The following DAPK1 variants were observed in gnomAD, a reference collection of about 807,000 sequenced individuals.
DAPK1 encodes death-associated protein kinase 1.
DAPK1 carries 56 observed loss-of-function variants against 144.9 expected under a neutral mutation model. That is an observed-to-expected ratio of 0.39 (90% confidence interval 0.31 to 0.48). The LOEUF (loss-of-function observed/expected upper bound fraction) is 0.48, where lower values mean the gene tolerates loss of function less well. Among genes scored for constraint, DAPK1 ranks in the 20% least tolerant of loss-of-function variants. The probability of loss-of-function intolerance (pLI) is 0.95; values close to 1 mark genes in which losing one functional copy is unlikely to be tolerated. For synonymous variants in DAPK1, 690 were observed against 749.0 expected (o/e 0.92, Z 1.29); for missense variants, 1,454 against 1,875.4 (o/e 0.78, Z 4.15).
chr9:87,647,239 G>A (rs1378128632), intron 13 of DAPK1, 66 bp from the exon 14 acceptor site: 9 of 1,252,002 alleles, frequency 7.2e-6, no homozygotes, highest in Non-Finnish European at 1.1e-5. Context: ...CAGTGAGTCT[G>A]AGGAATGCAT....
chr9:87,511,503 G>A (rs112108736), intron 2 of DAPK1, among the ~76,000 whole-genome samples: 4 of 152,176 alleles, frequency 2.6e-5, no homozygotes, highest in Admixed American at 6.5e-5. Flanking sequence ...ACTAAAAGCC[G>A]CTCTGTAGCC....
At chr9:87,647,888 T>G (rs1189149600) in intron 14 of DAPK1, among the ~76,000 whole-genome samples, 1 of 152,266 alleles carries the variant, frequency 6.6e-6, no homozygotes, top group Non-Finnish European at 1.5e-5. Context: ...AGTTACTGAT[T>G]TATCAAGATA....
intron 2 of DAPK1, among the ~76,000 whole-genome samples, chr9:87,580,840 A>G (rs1307150432): frequency 1.3e-5 from 2 of 152,206 alleles, no homozygotes; most frequent in Non-Finnish European, 1.5e-5. Flanking sequence ...CTGAAGTTTT[A>G]AGGAGAAGCA....
At chr9:87,540,521 T>G (rs1826010754) in intron 2 of DAPK1, among the ~76,000 whole-genome samples, 1 of 152,160 alleles carries the variant, frequency 6.6e-6, no homozygotes, top group African/African-American at 2.4e-5. Context: ...GTCTAATTTA[T>G]AAATTAAACT....
intron 7 of DAPK1, 38 bp downstream of exon 7, chr9:87,639,853 T>A (rs1211857753): frequency 1.9e-6 from 3 of 1,606,022 alleles, no homozygotes; most frequent in Admixed American, 1.7e-5. Flanking sequence ...TCTCTTCTCT[T>A]CTATGAGACC....
intron 1 of DAPK1, among the ~76,000 whole-genome samples, 170 bp downstream of exon 1, chr9:87,498,277 C>T (rs930630680): frequency 2.0e-5 from 3 of 152,180 alleles, no homozygotes; most frequent in Non-Finnish European, 4.4e-5. Flanking sequence ...CGGGAGGCTT[C>T]CCCAGCCCCG....
intron 2 of DAPK1, among the ~76,000 whole-genome samples, chr9:87,507,691 A>C (rs1243881106): frequency 6.6e-6 from 1 of 152,120 alleles, no homozygotes; most frequent in East Asian, 1.9e-4. Context: ...GACGAAGAAC[A>C]TAATGTTTGA....
intron 2 of DAPK1, among the ~76,000 whole-genome samples, chr9:87,556,244 T>G (rs1826708550): frequency 6.6e-6 from 1 of 152,218 alleles, no homozygotes; most frequent in South Asian, 2.1e-4. Flanking sequence ...TGTTACCTCA[T>G]TTAATCTTCA....
chr9:87,599,943 A>G (rs564224085), intron 2 of DAPK1, among the ~76,000 whole-genome samples: 2 of 152,334 alleles, frequency 1.3e-5, no homozygotes, highest in South Asian at 4.1e-4. Context: ...AACTCAAGGC[A>G]AACAGCACAT....
intron 2 of DAPK1, among the ~76,000 whole-genome samples, chr9:87,518,048 A>C (rs1825128911): frequency 6.6e-6 from 1 of 151,684 alleles, no homozygotes; most frequent in East Asian, 1.9e-4. Context: ...TCTGTCGCTG[A>C]ACCTGCGTTT....
rs920848933 is a variant in DAPK1, at chr9:87,569,390, A to G, written c.63-35564A>G. Among the ~76,000 whole-genome samples, 10 of 152,310 alleles carry G rather than the reference A, an allele frequency of 6.6e-5. No individual in the cohort carries two copies. In the South Asian group the frequency reaches 2.1e-3, roughly 32 times the overall value. On this transcript the variant is annotated intron_variant, in intron 2 of 25. Transcript: ENST00000408954. ...AGGAACCTGTATTTTTCAAAGCTCT[A>G]CCTCCAGCGAGACTCAGGTGATCAT...
chr9:87,650,209 A>G, intron 16 of DAPK1, 91 bp downstream of exon 16: 1 of 1,331,300 alleles, frequency 7.5e-7, no homozygotes, highest in Non-Finnish European at 1.1e-6. Flanking sequence ...CCCTAAGATA[A>G]CAAACTTGAA....
chr9:87,620,421 A>G (rs1473312980), intron 3 of DAPK1, among the ~76,000 whole-genome samples: 2 of 152,144 alleles, frequency 1.3e-5, no homozygotes, highest in African/African-American at 2.4e-5. Context: ...CCATGTCTCA[A>G]GGTGGCTAAA....
At chr9:87,537,890 G>C (rs1230898691) in intron 2 of DAPK1, among the ~76,000 whole-genome samples, 1 of 152,122 alleles carries the variant, frequency 6.6e-6, no homozygotes, top group Non-Finnish European at 1.5e-5. Flanking sequence ...AGGCAAGCGG[G>C]GGTTTGAGAG....
intron 2 of DAPK1, among the ~76,000 whole-genome samples, chr9:87,529,798 G>A (rs1563977495): frequency 2.0e-5 from 3 of 152,236 alleles, no homozygotes; most frequent in Admixed American, 1.3e-4. Context: ...GCCAGGAGGC[G>A]AGTCCCTGTC....
chr9:87,599,545 A>T (rs990480819), intron 2 of DAPK1, among the ~76,000 whole-genome samples: 44 of 152,350 alleles, frequency 2.9e-4, no homozygotes, highest in African/African-American at 1.0e-3. Flanking sequence ...AAACTCATTA[A>T]AGGAAGAATG....
chr9:87,514,554 G>A (rs910494339), intron 2 of DAPK1, among the ~76,000 whole-genome samples: 7 of 152,184 alleles, frequency 4.6e-5, no homozygotes, highest in Middle Eastern at 3.2e-3. Context: ...ATCTAGGTCT[G>A]TGACTTGTTT....
At chr9:87,608,011 G>A (rs764895374) in intron 3 of DAPK1, among the ~76,000 whole-genome samples, 12 of 152,108 alleles carry the variant, frequency 7.9e-5, no homozygotes, top group Non-Finnish European at 1.5e-4. Flanking sequence ...TCACATGACC[G>A]GCAGGAGGAA....
In DAPK1 at chr9:87,571,465, A is replaced by C. The variant is rs1266878832; in HGVS notation, c.63-33489A>C. Among the ~76,000 whole-genome samples the C allele has an allele frequency of 4.0e-4, 24 of 60,162 alleles. 1 individual carries two copies. The highest frequency in any genetic ancestry group is 3.7e-3 in the South Asian group (6 of 1,610). The allele number at this position is 60,162 out of a possible 152,430, so 39.5% of individuals were successfully genotyped here. A position where few individuals can be genotyped will look rare whatever the true frequency, so the allele number is the denominator to read the frequency against. On this transcript the variant is annotated intron_variant, in intron 2 of 25. Transcript: ENST00000408954. Reference sequence around the variant, plus strand: ...CACACACACACACACACACACACACACACACACACCAACACACACACACAC... The same window carrying C: ...CACACACACACACACACACACACACCCACACACACCAACACACACACACAC...
Sources: gnomAD v4.1 joint callset for allele counts (sites outside exome capture counted in the v4.1 genomes callset) on GRCh38, gnomAD v4.1.1 for gene constraint, MANE v1.5 for transcripts, NCBI Gene and HGNC (gene_info 2026-07-23, HGNC 2026-07-21) for gene names.